VGLL4: variants seen among roughly 807,000 people sequenced by gnomAD.
VGLL4 encodes the protein transcription cofactor vestigial-like protein 4.
A neutral mutation model predicts 21.0 loss-of-function variants in VGLL4; 7 were observed. That is an observed-to-expected ratio of 0.33 (90% confidence interval 0.19 to 0.63). The LOEUF is 0.63. Ranked by LOEUF, VGLL4 falls within the 20% of genes least tolerant of loss-of-function variation. The probability of loss-of-function intolerance (pLI) is 0.78; values close to 1 mark genes in which losing one functional copy is unlikely to be tolerated. For missense variants in VGLL4, 394 were observed against 425.7 expected (o/e 0.93, Z 0.66); for synonymous variants, 222 against 173.2 (o/e 1.28, Z -2.21).
intron 2 of VGLL4, among the ~76,000 whole-genome samples, chr3:11,660,851 A>G (rs1156404574): frequency 6.6e-6 from 1 of 152,202 alleles, no homozygotes; most frequent in African/African-American, 2.4e-5. Context: ...AAATTAAATA[A>G]CGTTGGGATC....
intron 1 of VGLL4, among the ~76,000 whole-genome samples, chr3:11,608,247 A>C (rs979533091): frequency 2.0e-5 from 3 of 152,238 alleles, no homozygotes; most frequent in Admixed American, 2.0e-4. Context: ...TCAAATTCCC[A>C]ATGACAACTA....
At chr3:11,707,972 A>G (rs1316771196) in intron 1 of VGLL4, among the ~76,000 whole-genome samples, 1 of 152,250 alleles carries the variant, frequency 6.6e-6, no homozygotes, top group Admixed American at 6.5e-5. Context: ...CCATGGCTAC[A>G]GTATTAGATG....
chr3:11,711,715 TC>T (rs1020972053), intron 1 of VGLL4, among the ~76,000 whole-genome samples: 5 of 151,392 alleles, frequency 3.3e-5, no homozygotes, highest in Non-Finnish European at 5.9e-5. Flanking sequence ...AGACCCTGTC[TC>T]AAAAAAAAAA....
intron 1 of VGLL4, among the ~76,000 whole-genome samples, chr3:11,629,069 A>AT (rs1366298195): frequency 6.6e-6 from 1 of 152,198 alleles, no homozygotes; most frequent in African/African-American, 2.4e-5. Flanking sequence ...GACATTAATG[A>AT]TTTTTTGTAG....
chr3:11,694,199 C>T (rs955272692), intron 2 of VGLL4, among the ~76,000 whole-genome samples: 1 of 152,152 alleles, frequency 6.6e-6, no homozygotes, highest in African/African-American at 2.4e-5. Context: ...GAAATTTTTA[C>T]TTTTGTTATT....
chr3:11,628,314 G>A (rs983130694), intron 1 of VGLL4, among the ~76,000 whole-genome samples: 3 of 151,874 alleles, frequency 2.0e-5, no homozygotes, highest in African/African-American at 7.3e-5. Context: ...CTTGAACCCG[G>A]GAGGCAGAGG....
intron 1 of VGLL4, among the ~76,000 whole-genome samples, chr3:11,629,196 C>G (rs1217343347): frequency 6.6e-6 from 1 of 152,134 alleles, no homozygotes; most frequent in Non-Finnish European, 1.5e-5. Context: ...GGAGAAAAGA[C>G]TGAAATCAAT....
chr3:11,671,413 T>A, intron 2 of VGLL4: 1 of 804,854 alleles, frequency 1.2e-6, no homozygotes, highest in Non-Finnish European at 2.2e-6. Flanking sequence ...CACATGTAAG[T>A]AACAAAGAGG....
In VGLL4 at chr3:11,675,361, A is replaced by AAT. The variant is rs1553742731; in HGVS notation, c.64+27609_64+27610insAT. Among the ~76,000 whole-genome samples the AAT allele has an allele frequency of 6.0e-5, 9 of 151,010 alleles. No homozygotes were observed. The South Asian group carries it at 6.3e-4, about 10-fold the overall frequency. ...GCACTGTCTCAAAAAATAAAAAATA[A>AAT]AAAAATAAAAAAATGTAACATAGGC... On this transcript the variant is annotated intron_variant, in intron 2 of 5. Transcript: ENST00000273038.
intron 2 of VGLL4, among the ~76,000 whole-genome samples, chr3:11,670,198 C>T (rs950866501): frequency 4.0e-5 from 6 of 151,794 alleles, no homozygotes. Flanking sequence ...TTCTACGCCC[C>T]TCCCACAACT....
intron 2 of VGLL4, among the ~76,000 whole-genome samples, chr3:11,590,702 GTGTGTGTGTT>G (rs2074474231): frequency 6.6e-6 from 1 of 151,124 alleles, no homozygotes; most frequent in Non-Finnish European, 1.5e-5. Flanking sequence ...GTGTGTGTGT[GTGTGTGTGTT>G]TTAACCCATA....
intron 2 of VGLL4, among the ~76,000 whole-genome samples, chr3:11,679,833 C>T (rs2076345498): frequency 6.6e-6 from 1 of 151,966 alleles, no homozygotes; most frequent in Non-Finnish European, 1.5e-5. Context: ...GGTACAGTAA[C>T]CTAAGGTTAG....
intron 2 of VGLL4, chr3:11,702,746 A>AC: frequency 6.6e-5 from 14 of 212,220 alleles, no homozygotes; most frequent in Non-Finnish European, 1.0e-4. Context: ...AAAAAAAAAC[A>AC]AAAAAAAAAA....
chr3:11,690,486 G>C (rs1370075322), intron 2 of VGLL4, among the ~76,000 whole-genome samples: 1 of 152,066 alleles, frequency 6.6e-6, no homozygotes, highest in Non-Finnish European at 1.5e-5. Flanking sequence ...CCCTAAACTA[G>C]TACTTCGCTA....
chr3:11,615,541 C>A (rs917407625), intron 1 of VGLL4, among the ~76,000 whole-genome samples: 5 of 152,250 alleles, frequency 3.3e-5, no homozygotes, highest in Admixed American at 6.5e-5. Flanking sequence ...CTGCAGTACA[C>A]ACAGATTGCT....
chr3:11,567,325 G>A (rs781559777), intron 2 of VGLL4, among the ~76,000 whole-genome samples: 1 of 152,136 alleles, frequency 6.6e-6, no homozygotes, highest in Non-Finnish European at 1.5e-5. Context: ...GCCCTAAACC[G>A]AGTATATTGA....
At chr3:11,588,258 G>A (rs1481282115) in intron 2 of VGLL4, among the ~76,000 whole-genome samples, 2 of 152,212 alleles carry the variant, frequency 1.3e-5, no homozygotes, top group Non-Finnish European at 2.9e-5. Flanking sequence ...CTGGTCTGGT[G>A]GAACTTGTAG....
chr3:11,569,140 G>A (rs1343602963), intron 2 of VGLL4, among the ~76,000 whole-genome samples: 1 of 152,176 alleles, frequency 6.6e-6, no homozygotes, highest in East Asian at 1.9e-4. Context: ...AGTGCACTGC[G>A]TCTATTTGAT....
At chr3:11,692,414 T>C (rs1210987071) in intron 2 of VGLL4, among the ~76,000 whole-genome samples, 1 of 152,230 alleles carries the variant, frequency 6.6e-6, no homozygotes, top group Non-Finnish European at 1.5e-5. Flanking sequence ...ATCCACCTGA[T>C]GTTTTATGAA....
Sources: gnomAD v4.1 joint callset for allele counts (sites outside exome capture counted in the v4.1 genomes callset) on GRCh38, gnomAD v4.1.1 for gene constraint, MANE v1.5 for transcripts, NCBI Gene and HGNC (gene_info 2026-07-23, HGNC 2026-07-21) for gene names.